Variants in DNAAF4 observed in about 807,000 individuals in gnomAD.
DNAAF4 encodes the protein dynein assembly factor 4, axonemal.
DNAAF4 carries 43 observed loss-of-function variants against 51.8 expected under a neutral mutation model. The observed-to-expected ratio is 0.83, with a 90% confidence interval of 0.65 to 1.07. The LOEUF is 1.07. Ranked by LOEUF, DNAAF4 falls within the 50% of genes least tolerant of loss-of-function variation. The pLI is 0.00. For missense variants in DNAAF4, 581 were observed against 493.0 expected, an observed-to-expected ratio of 1.18 and a Z score of -1.69; for synonymous variants, 194 against 165.6, an observed-to-expected ratio of 1.17 and a Z score of -1.32.
At chr15:55,432,456 A>G in intron 9 of DNAAF4, 41 bp downstream of exon 9, 1 of 1,492,078 alleles carries the variant, frequency 6.7e-7, no homozygotes, top group South Asian at 1.2e-5. Flanking sequence ...TTTTTTTCAG[A>G]GTATAACTTG....
intron 4 of DNAAF4, among the ~76,000 whole-genome samples, chr15:55,484,115 C>G (rs925607503): frequency 6.6e-6 from 1 of 151,802 alleles, no homozygotes; most frequent in African/African-American, 2.4e-5. Context: ...TGGGAGAAAC[C>G]GGAATCCTTG....
chr15:55,434,653 C>T (rs567243218), intron 8 of DNAAF4, among the ~76,000 whole-genome samples: 1 of 151,800 alleles, frequency 6.6e-6, no homozygotes, highest in Non-Finnish European at 1.5e-5. Context: ...TGCAATATAG[C>T]GAGACCCACT....
intron 7 of DNAAF4, among the ~76,000 whole-genome samples, chr15:55,435,866 G>A (rs929958868): frequency 2.0e-5 from 3 of 152,118 alleles, no homozygotes; most frequent in Admixed American, 6.6e-5. Flanking sequence ...TTGGCTCACC[G>A]CAACCTCTGC....
intron 9 of DNAAF4, among the ~76,000 whole-genome samples, chr15:55,432,052 T>C (rs1322771563): frequency 1.3e-5 from 2 of 151,420 alleles, no homozygotes; most frequent in Non-Finnish European, 2.9e-5. Context: ...GCCTCCCGGG[T>C]TCAAGGGATT....
chr15:55,492,069 C>T (rs1339503232), intron 3 of DNAAF4, among the ~76,000 whole-genome samples: 2 of 151,554 alleles, frequency 1.3e-5, no homozygotes, highest in African/African-American at 4.8e-5. Context: ...ATTGCCCAGG[C>T]TGGTCTTGAA....
At chr15:55,433,726 AAT>A (rs926696065) in intron 8 of DNAAF4, among the ~76,000 whole-genome samples, 40 of 129,180 alleles carry the variant, frequency 3.1e-4, no homozygotes, top group Admixed American at 7.9e-4. Flanking sequence ...ATATAAAACA[AAT>A]ATATATATAA....
intron 4 of DNAAF4, among the ~76,000 whole-genome samples, chr15:55,475,702 T>C (rs2058326496): frequency 1.3e-5 from 2 of 152,174 alleles, no homozygotes; most frequent in African/African-American, 2.4e-5. Flanking sequence ...TTTTTGATCA[T>C]AAATGCTCAA....
chr15:55,432,642 T>C, intron 8 of DNAAF4, 40 bp from the exon 9 acceptor site: 2 of 1,547,544 alleles, frequency 1.3e-6, no homozygotes, highest in South Asian at 1.2e-5. Context: ...AAGTTATAGT[T>C]TCTTAATTTA....
chr15:55,433,952 A>ATTT (rs2141407763), intron 8 of DNAAF4, among the ~76,000 whole-genome samples: 1 of 51,936 alleles, frequency 1.9e-5, no homozygotes, highest in South Asian at 4.2e-4. Flanking sequence ...TATAATATAT[A>ATTT]TAATATATAT....
chr15:55,427,288 G>C (rs760971673), downstream of DNAAF4, among the ~76,000 whole-genome samples: 17 of 152,072 alleles, frequency 1.1e-4, no homozygotes, highest in Non-Finnish European at 1.9e-4. Context: ...GGCTGTTCTT[G>C]AACTCCTGGC....
intron 4 of DNAAF4, among the ~76,000 whole-genome samples, chr15:55,479,454 G>T (rs2058379131): frequency 6.6e-6 from 1 of 151,986 alleles, no homozygotes; most frequent in Non-Finnish European, 1.5e-5. Flanking sequence ...TGTGATAATT[G>T]TGTTAACTGT....
In DNAAF4 at chr15:55,443,181, T is replaced by C. The variant is rs1389650638; in HGVS notation, c.784-3600A>G. 4 of 1,610,148 alleles carry C rather than the reference T, an allele frequency of 2.5e-6. No homozygotes were observed. The African/African-American group carries it at 4.0e-5, about 16-fold the overall frequency. On this transcript the variant is annotated intron_variant, in intron 6 of 9. Coordinates refer to ENST00000321149, the MANE Select transcript of DNAAF4 (RefSeq NM_130810.4). ...TCTTCATAAACTGGTCAAAGAGCAG[T>C]CTTAGGTCCTTGTTCCAGCTGGGGT...
intron 1 of DNAAF4, among the ~76,000 whole-genome samples, chr15:55,507,301 T>C (rs1350349409): frequency 1.3e-5 from 2 of 152,158 alleles, no homozygotes; most frequent in African/African-American, 4.8e-5. Context: ...CAAAAATACA[T>C]GTAAAACACC....
intron 5 of DNAAF4, among the ~76,000 whole-genome samples, chr15:55,465,195 A>C (rs1470619299): frequency 6.6e-6 from 1 of 152,174 alleles, no homozygotes; most frequent in Non-Finnish European, 1.5e-5. Flanking sequence ...CAGTGTGGAG[A>C]TAGATGCCTT....
chr15:55,427,671 T>C (rs1160507153), downstream of DNAAF4, among the ~76,000 whole-genome samples: 2 of 151,740 alleles, frequency 1.3e-5, no homozygotes, highest in Non-Finnish European at 2.9e-5. Flanking sequence ...GTTTCGCTCT[T>C]CTTGTCCAGG....
chr15:55,440,217 T>A (rs890080153), intron 6 of DNAAF4, among the ~76,000 whole-genome samples: 1 of 151,204 alleles, frequency 6.6e-6, no homozygotes, highest in Admixed American at 6.6e-5. Context: ...CATGCCTGGC[T>A]AATTTTTGTA....
chr15:55,495,605 C>T (rs1341193066), intron 3 of DNAAF4, among the ~76,000 whole-genome samples: 1 of 152,100 alleles, frequency 6.6e-6, no homozygotes. Context: ...TGTTTTGGTG[C>T]ACACCTGTAG....
At chr15:55,507,049 C>G (rs2058730907) in intron 1 of DNAAF4, among the ~76,000 whole-genome samples, 1 of 151,992 alleles carries the variant, frequency 6.6e-6, no homozygotes, top group Non-Finnish European at 1.5e-5. Context: ...TGGGGTTTCA[C>G]CATGTTGGCC....
intron 6 of DNAAF4, among the ~76,000 whole-genome samples, chr15:55,449,627 T>C (rs1404029253): frequency 1.4e-5 from 2 of 147,404 alleles, no homozygotes; most frequent in African/African-American, 5.0e-5. Context: ...TTGTGCCCAC[T>C]GCACTCCAGC....
Sources: allele counts gnomAD v4.1 joint callset (sites outside exome capture counted in the v4.1 genomes callset), GRCh38; gene constraint gnomAD v4.1.1; transcripts MANE v1.5; gene names NCBI Gene and HGNC (gene_info 2026-07-23, HGNC 2026-07-21).